The following CPLANE1 variants were observed in gnomAD, a reference collection of about 807,000 sequenced individuals.
The protein encoded by CPLANE1 is ciliogenesis and planar polarity effector 1.
In CPLANE1, 263 loss-of-function variants were observed where a neutral mutation model predicts 362.5. The ratio of observed to expected loss-of-function variants is 0.73; its 90% CI spans 0.66 to 0.80. The LOEUF (loss-of-function observed/expected upper bound fraction) is 0.80, where lower values mean the gene tolerates loss of function less well. Among genes scored for constraint, CPLANE1 ranks in the 30% least tolerant of loss-of-function variants. The probability of loss-of-function intolerance (pLI) is 0.00; values close to 1 mark genes in which losing one functional copy is unlikely to be tolerated. For missense variants in CPLANE1, 3,461 were observed against 3,793.4 expected (o/e 0.91, Z 2.30); for synonymous variants, 1,212 against 1,302.6 (o/e 0.93, Z 1.50).
Position 37,157,713 on chromosome 5 carries a change from A to G in CPLANE1, c.7968T>C (p.Ala2656=). The change falls in exon 40 of 53, where the codon GCT becomes GCC. Residue 2656 remains alanine (A), a synonymous_variant. Transcript: ENST00000651892. The part of the protein sequence containing the change: ...PSSAELHYMA[A]SVTNAVPPHN... ...GTGGGGGAACAGCATTAGTAACTGA[A>G]GCTGCCATATAATGTAACTCTGCAG... The G allele has an allele frequency of 3.1e-6, 5 of 1,613,994 alleles. No individual in the cohort carries two copies. Among genetic ancestry groups the G allele is most frequent in the Non-Finnish European group, 4.2e-6 (5 of 1,179,944 alleles).
chr5:37,140,541 A>G (rs1363063980), intron 44 of CPLANE1: 1 of 985,166 alleles, frequency 1.0e-6, no homozygotes, highest in South Asian at 4.7e-5. Flanking sequence ...TATTAATCCT[A>G]TGTACTTAGG....
At chr5:37,121,163 A>G (rs1482966103) in intron 49 of CPLANE1, among the ~76,000 whole-genome samples, 2 of 152,178 alleles carry the variant, frequency 1.3e-5, no homozygotes, top group African/African-American at 4.8e-5. Flanking sequence ...AAAGTAAAAT[A>G]CATAATAGTA....
chr5:37,181,277 C>A (rs1782594504), intron 26 of CPLANE1, among the ~76,000 whole-genome samples: 1 of 152,048 alleles, frequency 6.6e-6, no homozygotes, highest in Non-Finnish European at 1.5e-5. Flanking sequence ...TTTCAGGCCA[C>A]AAAACAATGG....
At chr5:37,076,352 G>T in the CPLANE1 span, among the ~76,000 whole-genome samples, 1 of 151,976 alleles carries the variant, frequency 6.6e-6, no homozygotes, top group South Asian at 2.1e-4. Flanking sequence ...TTGAGACAAG[G>T]TCTCACTCTG....
rs1783190611 is a variant in CPLANE1 at position 37,183,402 on chromosome 5, A to G, written c.4779T>C (p.Leu1593=). The part of the protein sequence containing the change: ...KLREHELNSL[L]FDVHTTLKRH... The stretch of plus-strand genomic sequence containing the variant: ...GTTTTAATGTTGTATGTACATCAAA[A>G]AGTAAAGAATTAAGTTCATGTTCTC... Residue 1593 remains leucine (L), a synonymous_variant, in exon 26 of 53, where the codon CTT becomes CTC. Coordinates refer to ENST00000651892, the MANE Select transcript of CPLANE1 (RefSeq NM_001384732.1). 1.2e-6 allele frequency: 2 copies of G among 1,613,392 alleles called. No homozygotes were observed. The highest frequency in any genetic ancestry group is 2.7e-5 in the African/African-American group (2 of 74,902).
downstream of CPLANE1, among the ~76,000 whole-genome samples, chr5:37,101,976 T>G (rs972957359): frequency 1.1e-4 from 16 of 152,100 alleles, no homozygotes; most frequent in African/African-American, 3.1e-4. Flanking sequence ...TTGTATCTGG[T>G]TCTTCTCTCT....
chr5:37,241,093 G>A (rs765195113), intron 6 of CPLANE1, among the ~76,000 whole-genome samples: 1 of 150,618 alleles, frequency 6.6e-6, no homozygotes, highest in Non-Finnish European at 1.5e-5. Flanking sequence ...CCGAGATTAC[G>A]TCACTGCACT....
At chr5:37,229,521 A>C (rs1797238369) in intron 9 of CPLANE1, among the ~76,000 whole-genome samples, 1 of 149,520 alleles carries the variant, frequency 6.7e-6, no homozygotes, top group Middle Eastern at 3.4e-3. Flanking sequence ...CCTGGGGGAC[A>C]GAGCGAGACT....
intron 18 of CPLANE1, among the ~76,000 whole-genome samples, chr5:37,203,288 T>C (rs1337691084): frequency 6.6e-6 from 1 of 152,240 alleles, no homozygotes; most frequent in Non-Finnish European, 1.5e-5. Flanking sequence ...ATACGGTATG[T>C]AGTCTTCGTT....
In CPLANE1 at chr5:37,224,717, A is replaced by G. The variant is rs775652771; in HGVS notation, c.2315T>C (p.Leu772Pro). The G allele has an allele frequency of 1.9e-6, 3 of 1,550,562 alleles. No homozygotes were observed. Among genetic ancestry groups the G allele is most frequent in the Non-Finnish European group, 2.6e-6 (3 of 1,146,346 alleles). The change falls in exon 13 of 53, where the codon CTG becomes CCG. Residue 772 changes from leucine (L) to proline (P), a missense_variant. Leu to Pro is a moderately conservative substitution (Grantham distance 98). Transcript: ENST00000651892. ...TTGATACCATAAAGTTTTTTTGTAC[A>G]GTATTCTCCAGAGAATAAGCAATCT... is the stretch of plus-strand genomic sequence containing the variant. ...GHRLLILWRI[L>P]YKKTLWYQAQ...
At position 37,108,355 on chromosome 5, in the gene CPLANE1, G is replaced by A; in HGVS notation, c.9517C>T (p.Pro3173Ser). 1 of 1,614,136 alleles carries A rather than the reference G, an allele frequency of 6.2e-7. No homozygotes were observed. The highest frequency in any genetic ancestry group is 8.5e-7 in the Non-Finnish European group (1 of 1,179,986). ...TGGATTTCTGAAGGTATCGTCCAGGGACTCACCACAGTCTCCTCTCTTTCA... is the reference window on the plus strand; with the variant it reads ...TGGATTTCTGAAGGTATCGTCCAGGAACTCACCACAGTCTCCTCTCTTTCA... ...EYEREETVVS[P>S]WTIPSEIHKI... Residue 3173 changes from proline to serine, a missense_variant, in exon 52 of 53, where the codon CCC (proline) becomes TCC (serine). Coordinates refer to ENST00000651892, the MANE Select transcript of CPLANE1 (RefSeq NM_001384732.1).
At chr5:37,219,392 G>A (rs1395132562) in intron 15 of CPLANE1, among the ~76,000 whole-genome samples, 1 of 152,038 alleles carries the variant, frequency 6.6e-6, no homozygotes, top group Non-Finnish European at 1.5e-5. Flanking sequence ...GCCAGGCATG[G>A]TGGCGCATGC....
At chr5:37,187,071 A>AAAACAAAAAAC (rs1257664534) in intron 23 of CPLANE1, among the ~76,000 whole-genome samples, 4 of 147,972 alleles carry the variant, frequency 2.7e-5, no homozygotes, top group African/African-American at 1.0e-4. Flanking sequence ...AAAAAAAAAA[A>AAAACAAAAAAC]AAAAAAAAAA....
At chr5:37,175,594 A>C (rs1034490980) in intron 31 of CPLANE1, among the ~76,000 whole-genome samples, 1 of 152,228 alleles carries the variant, frequency 6.6e-6, no homozygotes, top group South Asian at 2.1e-4. Context: ...AAACACTACA[A>C]GAAATCAGTT....
At chr5:37,193,998 T>A (rs1367460866) in intron 21 of CPLANE1, among the ~76,000 whole-genome samples, 1 of 151,350 alleles carries the variant, frequency 6.6e-6, no homozygotes, top group African/African-American at 2.4e-5. Context: ...CTTGGCTCAC[T>A]GCAACCTCCA....
intron 24 of CPLANE1, among the ~76,000 whole-genome samples, chr5:37,185,878 C>G (rs748023314): frequency 1.3e-5 from 2 of 152,030 alleles, no homozygotes; most frequent in African/African-American, 2.4e-5. Context: ...GCATAAATAA[C>G]CATAAAGGGA....
At position 37,169,277 on chromosome 5, in the gene CPLANE1, A is replaced by T. The variant is rs774659925; in HGVS notation, c.6747T>A (p.Val2249=). The T allele has an allele frequency of 6.2e-7, 1 of 1,614,188 alleles. No individual in the cohort carries two copies. The change falls in exon 34 of 53, where the codon GTT becomes GTA. Residue 2249 remains valine, a synonymous_variant. Transcript: ENST00000651892. ...TTGGTTGTGGCAAAGGCCTGAAGGG[A>T]ACTTGTGGAATACTTCCTGTATGTA... ...LFLHTGSIPQ[V]PFRPLPQPRE...
intron 35 of CPLANE1, among the ~76,000 whole-genome samples, chr5:37,166,725 A>T (rs1488602644): frequency 6.6e-6 from 1 of 152,166 alleles, no homozygotes; most frequent in Non-Finnish European, 1.5e-5. Context: ...ATAAGGGAGG[A>T]CTACTGCATA....
At chr5:37,229,006 G>A (rs957770354) in intron 9 of CPLANE1, among the ~76,000 whole-genome samples, 1 of 152,012 alleles carries the variant, frequency 6.6e-6, no homozygotes, top group Non-Finnish European at 1.5e-5. Flanking sequence ...CGGATCACGA[G>A]GTTAGGAGTT....
Sources: gnomAD v4.1 joint callset for allele counts (sites outside exome capture counted in the v4.1 genomes callset) on GRCh38, gnomAD v4.1.1 for gene constraint, MANE v1.5 for transcripts, NCBI Gene and HGNC (gene_info 2026-07-23, HGNC 2026-07-21) for gene names.